SLC17A8: variants seen among roughly 807,000 people sequenced by gnomAD.
The protein encoded by SLC17A8 is vesicular glutamate transporter 3.
SLC17A8 carries 31 observed loss-of-function variants against 58.0 expected under a neutral mutation model. That is an observed-to-expected ratio of 0.53 (90% CI 0.40 to 0.72). The LOEUF is 0.72. Among genes scored for constraint, SLC17A8 ranks in the 30% least tolerant of loss-of-function variants. SLC17A8 has a pLI of 0.00. For missense variants in SLC17A8, 655 were observed against 727.8 expected (o/e 0.90, Z 1.15); for synonymous variants, 228 against 249.0 (o/e 0.92, Z 0.79).
chr12:100,396,434 C>T lies in SLC17A8; in HGVS notation c.676+17C>T, dbSNP rs774560188. 25 of 1,605,778 alleles carry T rather than the reference C, an allele frequency of 1.6e-5. 1 individual carries two copies. The highest frequency in any genetic ancestry group is 1.6e-4 in the Middle Eastern group (1 of 6,070). The stretch of plus-strand genomic sequence containing the variant: ...CTTTTTGTGGTGGGTATATTAGAAT[C>T]GTAACAAATTTTATTTATGAATGCT... On this transcript the variant is annotated intron_variant, in intron 5 of 11. Coordinates refer to ENST00000323346, the MANE Select transcript of SLC17A8 (RefSeq NM_139319.3).
At chr12:100,393,768 T>G (rs1952733253) in intron 4 of SLC17A8, among the ~76,000 whole-genome samples, 1 of 152,186 alleles carries the variant, frequency 6.6e-6, no homozygotes. Flanking sequence ...GAAGCCCAAA[T>G]CTACAGTTCA....
At chr12:100,360,940 G>A (rs1056674966) in intron 1 of SLC17A8, among the ~76,000 whole-genome samples, 3 of 152,188 alleles carry the variant, frequency 2.0e-5, no homozygotes, top group Non-Finnish European at 4.4e-5. Flanking sequence ...CTCCTTACAA[G>A]TATGTCTATC....
chr12:100,363,049 G>A (rs933652826), intron 1 of SLC17A8, among the ~76,000 whole-genome samples: 3 of 152,178 alleles, frequency 2.0e-5, no homozygotes, highest in Non-Finnish European at 2.9e-5. Context: ...GATTCCTCCT[G>A]AAGATTAGGA....
Position 100,357,176 on chromosome 12 carries a change from T to G in SLC17A8, c.-216T>G. The G allele has an allele frequency of 1.9e-6, 1 of 516,362 alleles. No individual in the cohort carries two copies. Among genetic ancestry groups the G allele is most frequent in the Non-Finnish European group, 3.5e-6 (1 of 285,078 alleles). 32.0% of individuals were successfully genotyped at this position (516,362 alleles called of 1,614,324 possible). ...AGCCAGACACCCCTTGGACTCTTTT[T>G]TGGAGGGGTGGGGAGCAGAGAGAGG... On this transcript the variant is annotated 5_prime_UTR_variant, in exon 1 of 12. Transcript: ENST00000323346.
chr12:100,366,208 C>G (rs1005121608), intron 1 of SLC17A8, among the ~76,000 whole-genome samples: 1 of 152,118 alleles, frequency 6.6e-6, no homozygotes, highest in Non-Finnish European at 1.5e-5. Context: ...TCTTCTTACA[C>G]AGGGATGACA....
chr12:100,384,629 G>A (rs1224648165), intron 2 of SLC17A8, among the ~76,000 whole-genome samples: 3 of 152,158 alleles, frequency 2.0e-5, no homozygotes, highest in African/African-American at 7.2e-5. Flanking sequence ...AGAGGATCTC[G>A]TGAAAGCCAA....
In SLC17A8 at chr12:100,420,064, A is replaced by T. The variant is rs1231718129; in HGVS notation, c.1675A>T (p.Lys559Ter). ...CACCTCCCAGAATTGTGAAGTCCAG[A>T]AGAAGGAATGGAAAGGACAGAGAGG... is the stretch of plus-strand genomic sequence containing the variant. ...GATSQNCEVQ[K>*]KEWKGQRGAT... The change falls in exon 12 of 12, where the codon AAG becomes TAG. Residue 559 changes from lysine to a stop codon, truncating the protein, a stop_gained. Coordinates refer to ENST00000323346, the MANE Select transcript of SLC17A8 (RefSeq NM_139319.3). LOFTEE classifies it low-confidence loss of function (END_TRUNC). The T allele has an allele frequency of 1.9e-6, 3 of 1,614,214 alleles. No individual in the cohort carries two copies. The South Asian group carries it at 3.3e-5, about 18-fold the overall frequency.
intron 1 of SLC17A8, among the ~76,000 whole-genome samples, chr12:100,372,291 G>T (rs1216515981): frequency 6.6e-6 from 1 of 152,132 alleles, no homozygotes; most frequent in African/African-American, 2.4e-5. Context: ...TATGTCCTCA[G>T]ATGGCTTTCC....
chr12:100,358,818 T>TA (rs1416737769), intron 1 of SLC17A8, among the ~76,000 whole-genome samples: 1 of 152,184 alleles, frequency 6.6e-6, no homozygotes. Context: ...CTTATTCAAG[T>TA]AATGACAAAG....
At chr12:100,419,455 C>A (rs1470176804) in intron 11 of SLC17A8, among the ~76,000 whole-genome samples, 2 of 151,748 alleles carry the variant, frequency 1.3e-5, no homozygotes, top group East Asian at 3.9e-4. Context: ...ATGGTGTGAA[C>A]CCAGGAGGCG....
At chr12:100,389,713 T>A (rs1952700375) in intron 2 of SLC17A8, among the ~76,000 whole-genome samples, 1 of 151,344 alleles carries the variant, frequency 6.6e-6, no homozygotes, top group Admixed American at 6.6e-5. Flanking sequence ...TACCTTAACC[T>A]TGACCAACTC....
intron 9 of SLC17A8, among the ~76,000 whole-genome samples, chr12:100,409,570 T>C (rs1952852203): frequency 6.6e-6 from 1 of 152,040 alleles, no homozygotes; most frequent in South Asian, 2.1e-4. Flanking sequence ...GAAACACAAA[T>C]GAAAAGTTAC....
chr12:100,386,711 T>C (rs1952677389), intron 2 of SLC17A8, among the ~76,000 whole-genome samples: 1 of 139,662 alleles, frequency 7.2e-6, no homozygotes, highest in South Asian at 2.3e-4. Flanking sequence ...TTTTTTGAGA[T>C]GGGGTCTTAC....
At chr12:100,404,229 T>C (rs1187781039) in intron 9 of SLC17A8, 59 bp downstream of exon 9, 1 of 1,602,200 alleles carries the variant, frequency 6.2e-7, no homozygotes, top group African/African-American at 1.3e-5. Context: ...TAAACTGAAC[T>C]GCAGAGCATA....
At chr12:100,384,984 C>G (rs1490669607) in intron 2 of SLC17A8, among the ~76,000 whole-genome samples, 1 of 152,072 alleles carries the variant, frequency 6.6e-6, no homozygotes, top group African/African-American at 2.4e-5. Flanking sequence ...GTGCCTTGAG[C>G]CTTTGTCTTG....
rs761746234 is a variant in SLC17A8 at position 100,402,753 on chromosome 12, C to A, written c.1053+8C>A. 1 of 1,610,070 alleles carries A rather than the reference C, an allele frequency of 6.2e-7. No homozygotes were observed. The highest frequency in any genetic ancestry group is 8.5e-7 in the Non-Finnish European group (1 of 1,178,888). On this transcript the variant is annotated splice_region_variant and intron_variant, in intron 8 of 11. Transcript: ENST00000323346. ...GGATTTGCAATAAGTAAGGTAAACACACAGATGCTCCAAATATTTTTGAAC... is the reference window on the plus strand; with the variant it reads ...GGATTTGCAATAAGTAAGGTAAACAAACAGATGCTCCAAATATTTTTGAAC...
Position 100,371,986 on chromosome 12 carries a change from G to A in SLC17A8, c.102-8715G>A, listed in dbSNP as rs545318770. On this transcript the variant is annotated intron_variant, in intron 1 of 11. Coordinates refer to ENST00000323346, the MANE Select transcript of SLC17A8 (RefSeq NM_139319.3). ...ATAATATATATTTTATAGAAACCTC[G>A]TGGAGTCCCTAGAGTGTAGCAAGTA... Among the ~76,000 whole-genome samples the A allele has an allele frequency of 4.6e-5, 7 of 152,258 alleles. No homozygotes were observed. The South Asian group carries it at 6.2e-4, about 14-fold the overall frequency.
intron 2 of SLC17A8, among the ~76,000 whole-genome samples, chr12:100,389,416 C>T (rs1566394872): frequency 6.6e-6 from 1 of 152,116 alleles, no homozygotes; most frequent in Non-Finnish European, 1.5e-5. Context: ...AGACTTAAGA[C>T]TCTAATTCTC....
intron 5 of SLC17A8, among the ~76,000 whole-genome samples, chr12:100,400,413 CAT>C: frequency 6.6e-6 from 1 of 152,258 alleles, no homozygotes; most frequent in African/African-American, 2.4e-5. Flanking sequence ...TCTTCACATA[CAT>C]AGTTTATTTG....
Sources: allele counts gnomAD v4.1 joint callset (sites outside exome capture counted in the v4.1 genomes callset), GRCh38; gene constraint gnomAD v4.1.1; transcripts MANE v1.5; gene names NCBI Gene and HGNC (gene_info 2026-07-23, HGNC 2026-07-21).